RIMS3: variants seen among roughly 807,000 people sequenced by gnomAD.
RIMS3 encodes regulating synaptic membrane exocytosis 3.
In RIMS3, 15 loss-of-function variants were observed where a neutral mutation model predicts 29.2. The observed-to-expected ratio is 0.51, with a 90% confidence interval of 0.34 to 0.79. The LOEUF (loss-of-function observed/expected upper bound fraction) is 0.79, where lower values mean the gene tolerates loss of function less well. RIMS3 is among the 30% of genes least tolerant of loss of function. The pLI is 0.01. For missense variants in RIMS3, 342 were observed against 421.4 expected, an observed-to-expected ratio of 0.81 and a Z score of 1.65; for synonymous variants, 161 against 170.1, an observed-to-expected ratio of 0.95 and a Z score of 0.41.
At chr1:40,685,580 A>G in the RIMS3 span, among the ~76,000 whole-genome samples, 1 of 151,956 alleles carries the variant, frequency 6.6e-6, no homozygotes, top group African/African-American at 2.4e-5. Context: ...CCATCGGAAG[A>G]GTATCACTTA....
intron 2 of RIMS3, among the ~76,000 whole-genome samples, chr1:40,646,469 C>T (rs1270305225): frequency 1.3e-5 from 2 of 152,172 alleles, no homozygotes; most frequent in Admixed American, 6.5e-5. Flanking sequence ...AGTCCCTTCA[C>T]CAATTCCCTG....
the RIMS3 span, among the ~76,000 whole-genome samples, chr1:40,684,407 C>T: frequency 6.6e-6 from 1 of 152,134 alleles, no homozygotes; most frequent in African/African-American, 2.4e-5. Context: ...AAAATCCTGT[C>T]TTTCTTATAT....
At chr1:40,649,875 T>G (rs950865085) in intron 1 of RIMS3, among the ~76,000 whole-genome samples, 1 of 152,044 alleles carries the variant, frequency 6.6e-6, no homozygotes, top group African/African-American at 2.4e-5. Flanking sequence ...TCTGAGGGTA[T>G]GGTAAGGGAT....
upstream of RIMS3, among the ~76,000 whole-genome samples, chr1:40,667,378 C>G (rs372906819): frequency 1.2e-4 from 19 of 152,088 alleles, no homozygotes; most frequent in African/African-American, 4.3e-4. Flanking sequence ...CAGGGCAGGA[C>G]CTGGAACGAG....
At chr1:40,675,661 G>A in the RIMS3 span, among the ~76,000 whole-genome samples, 1 of 151,876 alleles carries the variant, frequency 6.6e-6, no homozygotes, top group East Asian at 1.9e-4. Context: ...AGGAGGCTGA[G>A]GCAGGAGAAT....
At chr1:40,633,024 C>T in intron 5 of RIMS3, 45 bp downstream of exon 5, 1 of 1,488,134 alleles carries the variant, frequency 6.7e-7, no homozygotes, top group African/African-American at 1.4e-5. Context: ...CTTCCTGTCG[C>T]ATGGTCACCA....
chr1:40,662,700 T>C (rs1237236455), intron 1 of RIMS3, among the ~76,000 whole-genome samples: 1 of 152,182 alleles, frequency 6.6e-6, no homozygotes, highest in East Asian at 1.9e-4. Context: ...AGAACCATCA[T>C]ACAGTATGCA....
Position 40,635,449 on chromosome 1 carries a change from C to T in RIMS3, c.359+467G>A, listed in dbSNP as rs1325964643. On this transcript the variant is annotated intron_variant, in intron 4 of 7. Coordinates refer to ENST00000372684, the MANE Select transcript of RIMS3 (RefSeq NM_014747.3). This position sits in a 1 kb window ranked among gnomAD's most constrained non-coding sequence, Gnocchi z 4.1. ...TTGACCCACTAAACCTATTTTATTT[C>T]CTGTCTATGAGTCACCATCCATGGT... 2.0e-5 allele frequency among the ~76,000 whole-genome samples: 3 copies of T among 152,164 alleles called. No individual in the cohort carries two copies. The highest frequency in any genetic ancestry group is 1.3e-4 in the Admixed American group (2 of 15,282).
intron 2 of RIMS3, among the ~76,000 whole-genome samples, chr1:40,642,427 T>C (rs1464133366): frequency 6.6e-6 from 1 of 152,190 alleles, no homozygotes; most frequent in Non-Finnish European, 1.5e-5. Flanking sequence ...ATTATTTTCA[T>C]AGCAAATAAT....
the RIMS3 span, among the ~76,000 whole-genome samples, chr1:40,686,448 C>T: frequency 3.3e-5 from 5 of 152,036 alleles, no homozygotes; most frequent in South Asian, 2.1e-4. Flanking sequence ...GTCAGGAGAT[C>T]GAGACCTTCC....
chr1:40,670,574 T>TTATATATATATATGTATATATATATA (rs1553146612), upstream of RIMS3, among the ~76,000 whole-genome samples: 1 of 71,210 alleles, frequency 1.4e-5, no homozygotes, highest in African/African-American at 7.0e-5. Flanking sequence ...AGTTATAATT[T>TTATATATATATATGTATATATATATA]TATATATATA....
At chr1:40,630,962 G>GA (rs929096822) in intron 5 of RIMS3, among the ~76,000 whole-genome samples, 33 of 152,326 alleles carry the variant, frequency 2.2e-4, no homozygotes, top group African/African-American at 7.9e-4. Context: ...TCCTGGGCAG[G>GA]AGCTTTTGAG....
chr1:40,690,561 C>T, the RIMS3 span: 1 of 152,198 alleles, frequency 6.6e-6, no homozygotes, highest in Non-Finnish European at 1.5e-5. Flanking sequence ...AATTGAGACT[C>T]CCTGAAGTCA....
At chr1:40,653,092 T>C (rs906475283) in intron 1 of RIMS3, among the ~76,000 whole-genome samples, 1 of 152,164 alleles carries the variant, frequency 6.6e-6, no homozygotes, top group African/African-American at 2.4e-5. Context: ...ATTCCCAGTT[T>C]AGTCCCGATG....
the RIMS3 span, among the ~76,000 whole-genome samples, chr1:40,676,999 GA>G: frequency 2.6e-5 from 3 of 114,368 alleles, no homozygotes; most frequent in Non-Finnish European, 5.7e-5. Context: ...AAAACAGGTG[GA>G]ATTTTTTTTT....
chr1:40,650,863 CAAAAAAAAAAAAA>C (rs58578342), intron 1 of RIMS3, among the ~76,000 whole-genome samples: 2 of 64,552 alleles, frequency 3.1e-5, no homozygotes, highest in Admixed American at 4.0e-4. Context: ...CAGACTCTGT[CAAAAAAAAAAAAA>C]AAAAAAAAAA....
At position 40,658,702 on chromosome 1, in the gene RIMS3, C is replaced by T. The variant is rs59064722; in HGVS notation, c.-207+6692G>A. On this transcript the variant is annotated intron_variant, in intron 1 of 7. Coordinates refer to ENST00000372684, the MANE Select transcript of RIMS3 (RefSeq NM_014747.3). ...ACAGGAACTATAGGTGGCTTGGTGC[C>T]TGAAAAGGCAGAGATATCCAGTCTG... is the stretch of plus-strand genomic sequence containing the variant. 3.2e-3 allele frequency among the ~76,000 whole-genome samples: 486 copies of T among 152,304 alleles called. 2 individuals are homozygous for T. The highest frequency in any genetic ancestry group is 0.011 in the African/African-American group (449 of 41,568).
At chr1:40,679,877 C>A in the RIMS3 span, among the ~76,000 whole-genome samples, 1 of 151,870 alleles carries the variant, frequency 6.6e-6, no homozygotes, top group South Asian at 2.1e-4. Context: ...AAAGAGTAGC[C>A]TGGATGACTA....
chr1:40,668,272 T>G (rs979223777), upstream of RIMS3, among the ~76,000 whole-genome samples: 1 of 128,194 alleles, frequency 7.8e-6, no homozygotes, highest in Non-Finnish European at 1.7e-5. Flanking sequence ...AAAAAAAAAA[T>G]TTATCTGGGC....
Sources: gnomAD v4.1 joint callset for allele counts (sites outside exome capture counted in the v4.1 genomes callset) on GRCh38, gnomAD v4.1.1 for gene constraint, Gnocchi (gnomAD v3.1) non-coding constraint, MANE v1.5 for transcripts, NCBI Gene and HGNC (gene_info 2026-07-23, HGNC 2026-07-21) for gene names.